The following GSG1L variants were observed in gnomAD, a reference collection of about 807,000 sequenced individuals.
GSG1L encodes the protein germ cell-specific gene 1-like protein.
In GSG1L, 24 loss-of-function variants were observed where a neutral mutation model predicts 42.1. The observed-to-expected ratio is 0.57, with a 90% CI of 0.41 to 0.80. The LOEUF (loss-of-function observed/expected upper bound fraction) is 0.80, where lower values mean the gene tolerates loss of function less well. Among genes scored for constraint, GSG1L ranks in the 30% least tolerant of loss-of-function variants. The pLI is 0.00. For missense variants in GSG1L, 445 were observed against 472.2 expected (o/e 0.94, Z 0.53); for synonymous variants, 215 against 203.5 (o/e 1.06, Z -0.48).
At chr16:28,050,765 C>G (rs1450270857) in intron 1 of GSG1L, among the ~76,000 whole-genome samples, 1 of 152,186 alleles carries the variant, frequency 6.6e-6, no homozygotes, top group Non-Finnish European at 1.5e-5. Flanking sequence ...CCAACTGCTT[C>G]CTGATCCCCT....
chr16:27,999,805 T>G (rs1341464788), intron 1 of GSG1L, among the ~76,000 whole-genome samples: 1 of 152,202 alleles, frequency 6.6e-6, no homozygotes, highest in African/African-American at 2.4e-5. Flanking sequence ...TCCAGGCTCC[T>G]TTTATGGTGT....
At chr16:27,971,680 T>G (rs2085194767) in intron 1 of GSG1L, among the ~76,000 whole-genome samples, 1 of 152,170 alleles carries the variant, frequency 6.6e-6, no homozygotes, top group Non-Finnish European at 1.5e-5. Context: ...CAATATAATA[T>G]TAAATAGAAG....
chr16:27,959,475 A>G (rs2085043659), intron 2 of GSG1L, among the ~76,000 whole-genome samples: 1 of 133,408 alleles, frequency 7.5e-6, no homozygotes, highest in Admixed American at 7.7e-5. Context: ...CAAGAAAAGA[A>G]GAGAAGAGAG....
intron 5 of GSG1L, among the ~76,000 whole-genome samples, chr16:27,825,690 C>T (rs2083200849): frequency 6.6e-6 from 1 of 151,980 alleles, no homozygotes; most frequent in Non-Finnish European, 1.5e-5. Context: ...AATTGGAGTT[C>T]CCATAATCCT....
rs552983844 is a variant in GSG1L, at chr16:27,987,808, G to A, written c.350-24605C>T. On this transcript the variant is annotated intron_variant, in intron 1 of 6. Transcript: ENST00000447459. ...CTAAAATACAAAAAACTAGCCGAGC[G>A]TGGTGGCGCATGCCTGTAGTCCCAG... Among the ~76,000 whole-genome samples the A allele has an allele frequency of 2.6e-5, 4 of 152,166 alleles. No homozygotes were observed. In the East Asian group the frequency reaches 5.8e-4, roughly 22 times the overall value.
chr16:27,898,010 T>C (rs1173565102), intron 2 of GSG1L, among the ~76,000 whole-genome samples: 1 of 152,136 alleles, frequency 6.6e-6, no homozygotes, highest in Non-Finnish European at 1.5e-5. Context: ...CTGAACAAAC[T>C]AGTTTATCAT....
intron 3 of GSG1L, among the ~76,000 whole-genome samples, chr16:27,876,651 T>C: frequency 6.6e-6 from 1 of 152,118 alleles, no homozygotes. Context: ...CCCGAGGATG[T>C]GAGTATAGGC....
At chr16:27,836,570 T>C (rs925775209) in intron 4 of GSG1L, among the ~76,000 whole-genome samples, 23 of 152,222 alleles carry the variant, frequency 1.5e-4, no homozygotes, top group African/African-American at 5.5e-4. Flanking sequence ...GTTGTTCAAA[T>C]TAAATAATTT....
intron 3 of GSG1L, among the ~76,000 whole-genome samples, chr16:27,868,952 T>C (rs761984924): frequency 1.3e-5 from 2 of 151,028 alleles, no homozygotes; most frequent in African/African-American, 4.9e-5. Flanking sequence ...GTTCCCTGGA[T>C]TGGGGAAAGG....
chr16:27,943,652 G>A (rs984585880), intron 2 of GSG1L, among the ~76,000 whole-genome samples: 1 of 124,300 alleles, frequency 8.0e-6, no homozygotes, highest in Non-Finnish European at 1.6e-5. Flanking sequence ...TCGACTCACT[G>A]CAACCTCTGC....
intron 4 of GSG1L, among the ~76,000 whole-genome samples, chr16:27,840,741 C>A (rs991751359): frequency 6.6e-6 from 1 of 152,186 alleles, no homozygotes; most frequent in African/African-American, 2.4e-5. Context: ...TTGGCTCATG[C>A]AGATACTGTG....
intron 3 of GSG1L, among the ~76,000 whole-genome samples, chr16:27,860,769 T>C (rs1260713796): frequency 6.6e-6 from 1 of 152,106 alleles, no homozygotes; most frequent in Non-Finnish European, 1.5e-5. Context: ...AGCTCTTCTG[T>C]GTGAAACCAG....
At chr16:27,949,335 G>A (rs554529342) in intron 2 of GSG1L, among the ~76,000 whole-genome samples, 14 of 152,214 alleles carry the variant, frequency 9.2e-5, no homozygotes, top group Non-Finnish European at 1.9e-4. Context: ...CTTTTTCAGT[G>A]AATGAATGTG....
intron 3 of GSG1L, among the ~76,000 whole-genome samples, chr16:27,872,952 G>C (rs1171492538): frequency 6.6e-6 from 1 of 152,170 alleles, no homozygotes; most frequent in Non-Finnish European, 1.5e-5. Flanking sequence ...CCATACCACT[G>C]CTCTGCCTAT....
At chr16:28,039,474 C>T (rs376192620) in intron 1 of GSG1L, among the ~76,000 whole-genome samples, 2 of 152,072 alleles carry the variant, frequency 1.3e-5, no homozygotes, top group Admixed American at 1.3e-4. Flanking sequence ...TGATCTGGTA[C>T]CAAATGTTAA....
At chr16:27,857,581 G>A (rs1196385290) in intron 3 of GSG1L, among the ~76,000 whole-genome samples, 1 of 151,980 alleles carries the variant, frequency 6.6e-6, no homozygotes, top group Non-Finnish European at 1.5e-5. Flanking sequence ...ATCTCTACAA[G>A]AAAACGAAAG....
At chr16:28,050,655 T>C (rs2086212146) in intron 1 of GSG1L, among the ~76,000 whole-genome samples, 1 of 152,208 alleles carries the variant, frequency 6.6e-6, no homozygotes, top group Non-Finnish European at 1.5e-5. Context: ...TTCTACTCCA[T>C]CACCGTTAGA....
intron 1 of GSG1L, among the ~76,000 whole-genome samples, chr16:27,967,734 G>T (rs1385289656): frequency 6.6e-6 from 1 of 152,192 alleles, no homozygotes; most frequent in African/African-American, 2.4e-5. Flanking sequence ...CCAACACGGA[G>T]AAACCCCATC....
In GSG1L at chr16:28,063,007, T is replaced by C. The variant is rs2086360666; in HGVS notation, c.349+69A>G. ...GGAGGAGGGCGAACGGGTCCGGGGC[T>C]CGGGCCTCGATGGCCGCGCCGCCCC... On this transcript the variant is annotated intron_variant, in intron 1 of 6. Coordinates refer to ENST00000447459, the MANE Select transcript of GSG1L (RefSeq NM_001109763.2). The surrounding 1 kb of genome is among the most constrained non-coding windows in gnomAD (Gnocchi z 5.8). 2.3e-6 allele frequency: 3 copies of C among 1,280,854 alleles called. No individual in the cohort carries two copies. The highest frequency in any genetic ancestry group is 3.1e-5 in the African/African-American group (2 of 63,964). The allele number at this position is 1,280,854 out of a possible 1,614,324, so 79.3% of individuals were successfully genotyped here.
Sources: gnomAD v4.1 joint callset for allele counts (sites outside exome capture counted in the v4.1 genomes callset) on GRCh38, gnomAD v4.1.1 for gene constraint, Gnocchi (gnomAD v3.1) non-coding constraint, MANE v1.5 for transcripts, NCBI Gene and HGNC (gene_info 2026-07-23, HGNC 2026-07-21) for gene names.